Variants in CHRDL2 observed in about 807,000 individuals in gnomAD.
CHRDL2 encodes the protein chordin-like protein 2.
CHRDL2 carries 41 observed loss-of-function variants against 54.3 expected under a neutral mutation model. The observed-to-expected ratio is 0.76, with a 90% confidence interval of 0.59 to 0.98. CHRDL2 has a LOEUF of 0.98. Ranked by LOEUF, CHRDL2 falls within the 50% of genes least tolerant of loss-of-function variation. The probability of loss-of-function intolerance (pLI) is 0.00; values close to 1 mark genes in which losing one functional copy is unlikely to be tolerated. For missense variants in CHRDL2, 518 were observed against 562.4 expected (o/e 0.92, Z 0.80); for synonymous variants, 220 against 224.3 (o/e 0.98, Z 0.17).
At chr11:74,730,173 T>C (rs903509544) in intron 1 of CHRDL2, among the ~76,000 whole-genome samples, 38 of 152,176 alleles carry the variant, frequency 2.5e-4, no homozygotes, top group African/African-American at 9.2e-4. Flanking sequence ...CACTGTGCCC[T>C]GCCGCCTCCC....
At chr11:74,725,973 G>A (rs77406432) in intron 1 of CHRDL2, among the ~76,000 whole-genome samples, 1,998 of 152,326 alleles carry the variant, frequency 0.013, 39 homozygotes, top group African/African-American at 0.044. Flanking sequence ...CTGGCACCCG[G>A]TGGGAGAGGC....
At chr11:74,711,560 C>T (rs1274706025) in intron 3 of CHRDL2, among the ~76,000 whole-genome samples, 1 of 152,184 alleles carries the variant, frequency 6.6e-6, no homozygotes, top group African/African-American at 2.4e-5. Context: ...AGCCTCTGGT[C>T]CTGAGAGAGC....
At chr11:74,711,432 G>A (rs1160297521) in intron 3 of CHRDL2, among the ~76,000 whole-genome samples, 2 of 152,174 alleles carry the variant, frequency 1.3e-5, no homozygotes, top group Non-Finnish European at 2.9e-5. Flanking sequence ...TTCTAGTGGT[G>A]CCAGCTGGCA....
At chr11:74,700,808 T>C (rs2033783073) in intron 9 of CHRDL2, 1 of 151,958 alleles carries the variant, frequency 6.6e-6, no homozygotes, top group African/African-American at 2.4e-5. Context: ...AATTTTTGTA[T>C]TTTTAGTAAA....
At chr11:74,708,877 T>G (rs1001846634) in intron 4 of CHRDL2, among the ~76,000 whole-genome samples, 1 of 152,134 alleles carries the variant, frequency 6.6e-6, no homozygotes, top group Non-Finnish European at 1.5e-5. Context: ...AAGGCAAGAC[T>G]GCAGGGGAAG....
chr11:74,703,903 T>TA (rs751057520), intron 7 of CHRDL2, among the ~76,000 whole-genome samples: 4 of 152,190 alleles, frequency 2.6e-5, no homozygotes, highest in Non-Finnish European at 5.9e-5. Flanking sequence ...CAGGACTCAG[T>TA]AGCCCCATAG....
At chr11:74,697,371 T>A in intron 9 of CHRDL2, 74 bp from the exon 10 acceptor site, 1 of 1,108,654 alleles carries the variant, frequency 9.0e-7, no homozygotes, top group Non-Finnish European at 1.4e-6. Flanking sequence ...CAGGGTGACT[T>A]AGCACAGAAC....
intron 1 of CHRDL2, among the ~76,000 whole-genome samples, chr11:74,726,198 A>T (rs1001274376): frequency 6.6e-6 from 1 of 152,088 alleles, no homozygotes; most frequent in Non-Finnish European, 1.5e-5. Flanking sequence ...GACTGTTCAC[A>T]TTTTTTTCTG....
chr11:74,724,677 G>C lies in CHRDL2; in HGVS notation c.83-5845C>G, dbSNP rs546617591. Among the ~76,000 whole-genome samples the C allele has an allele frequency of 3.9e-5, 6 of 152,318 alleles. 1 individual carries two copies. In the East Asian group the frequency reaches 1.2e-3, roughly 29 times the overall value. On this transcript the variant is annotated intron_variant, in intron 1 of 10. Coordinates refer to ENST00000376332, the MANE Select transcript of CHRDL2 (RefSeq NM_001278473.3). ...ACTCCTTCCCATTCTTCAAAAGCCAGCTTAGATGCTACCCTTTCTGTGAAG... is the reference window on the plus strand; with the variant it reads ...ACTCCTTCCCATTCTTCAAAAGCCACCTTAGATGCTACCCTTTCTGTGAAG...
chr11:74,705,232 C>T (rs1233529715), intron 6 of CHRDL2, among the ~76,000 whole-genome samples: 1 of 152,144 alleles, frequency 6.6e-6, no homozygotes, highest in Non-Finnish European at 1.5e-5. Flanking sequence ...CCCTGTCCCT[C>T]CAGACCAGGT....
Position 74,720,697 on chromosome 11 carries a change from T to C in CHRDL2, c.83-1865A>G, listed in dbSNP as rs183101333. 1.1e-4 allele frequency among the ~76,000 whole-genome samples: 16 copies of C among 152,316 alleles called. No homozygotes were observed. The East Asian group carries it at 3.1e-3, about 29-fold the overall frequency. On this transcript the variant is annotated intron_variant, in intron 1 of 10. Transcript: ENST00000376332. ...GACTTTGAAACAGAATCGCAGAGCA[T>C]TGAAAGCAGTAATGAGTTGGGTGGG...
chr11:74,715,668 T>A (rs1247111077), intron 2 of CHRDL2, among the ~76,000 whole-genome samples: 2 of 149,956 alleles, frequency 1.3e-5, no homozygotes, highest in Non-Finnish European at 3.0e-5. Context: ...ATTTCAGATG[T>A]TAAATTTATG....
chr11:74,718,882 G>T (rs763936420), intron 1 of CHRDL2, 50 bp from the exon 2 acceptor site: 2 of 1,150,714 alleles, frequency 1.7e-6, no homozygotes, highest in South Asian at 1.3e-5. Flanking sequence ...CCAGCCCAAA[G>T]ACCCTGTCTC....
chr11:74,706,664 AGCCCACTAGCCAGCTCCTTT>A, intron 5 of CHRDL2, 122 bp from the exon 6 acceptor site: 1 of 826,044 alleles, frequency 1.2e-6, no homozygotes. Flanking sequence ...CTGCAGCCCC[AGCCCACTAGCCAGCTCCTTT>A]GCCCCAGTGG....
At chr11:74,710,323 G>T (rs2034146366) in intron 4 of CHRDL2, among the ~76,000 whole-genome samples, 1 of 152,162 alleles carries the variant, frequency 6.6e-6, no homozygotes, top group Non-Finnish European at 1.5e-5. Flanking sequence ...ACTTTCCAGA[G>T]GAGGCCCTGC....
intron 1 of CHRDL2, among the ~76,000 whole-genome samples, chr11:74,730,228 G>A (rs1435557237): frequency 6.6e-6 from 1 of 151,934 alleles, no homozygotes; most frequent in African/African-American, 2.4e-5. Flanking sequence ...GACAATGTGA[G>A]GCAGGGAATA....
intron 3 of CHRDL2, among the ~76,000 whole-genome samples, chr11:74,712,898 A>T (rs1291153588): frequency 2.0e-5 from 3 of 152,174 alleles, no homozygotes; most frequent in African/African-American, 4.8e-5. Context: ...ATAGACATTT[A>T]GCATCAGGAC....
At chr11:74,705,106 G>A (rs1245860952) in intron 6 of CHRDL2, among the ~76,000 whole-genome samples, 1 of 151,970 alleles carries the variant, frequency 6.6e-6, no homozygotes, top group Admixed American at 6.6e-5. Flanking sequence ...GATGGCATCA[G>A]GCAGGCCCCA....
At chr11:74,708,532 A>C in intron 4 of CHRDL2, 137 bp from the exon 5 acceptor site, 10 of 635,624 alleles carry the variant, frequency 1.6e-5, no homozygotes, top group Non-Finnish European at 2.6e-5. Context: ...CAGCATCTCC[A>C]CAGCAAGGCC....
Sources: gnomAD v4.1 joint callset for allele counts (sites outside exome capture counted in the v4.1 genomes callset) on GRCh38, gnomAD v4.1.1 for gene constraint, MANE v1.5 for transcripts, NCBI Gene and HGNC (gene_info 2026-07-23, HGNC 2026-07-21) for gene names.